NRAP: variants seen among roughly 807,000 people sequenced by gnomAD.
NRAP encodes the protein nebulin-related-anchoring protein.
In NRAP, 189 loss-of-function variants were observed where a neutral mutation model predicts 225.9. That is an observed-to-expected ratio of 0.84 (90% CI 0.74 to 0.94). The LOEUF (loss-of-function observed/expected upper bound fraction) is 0.94. Among genes scored for constraint, NRAP ranks in the 40% least tolerant of loss-of-function variants. The pLI, the probability that NRAP is intolerant of heterozygous loss-of-function variation, is 0.00. For synonymous variants in NRAP, 769 were observed against 790.7 expected, an observed-to-expected ratio of 0.97 and a Z score of 0.46; for missense variants, 2,176 against 2,168.7, an observed-to-expected ratio of 1.00 and a Z score of -0.07.
rs1848014101 is a variant in NRAP, at chr10:113,621,917, T to C, written c.2721A>G (p.Thr907=). 1.2e-6 allele frequency: 2 copies of C among 1,614,000 alleles called. No homozygotes were observed. Among genetic ancestry groups the C allele is most frequent in the Non-Finnish European group, 1.7e-6 (2 of 1,179,890 alleles). Reference sequence around the variant, plus strand: ...TCTTGGCCCATTCCACCTTCATGTCTGTGGGCAAAGCCGTAAAGTGATGTT... The same window carrying C: ...TCTTGGCCCATTCCACCTTCATGTCCGTGGGCAAAGCCGTAAAGTGATGTT... ...TAEHHFTALP[T]DMKVEWAKKA... is the part of the protein sequence containing the mutation. Residue 907 remains threonine (T), a synonymous_variant, in exon 24 of 42, where the codon ACA becomes ACG. Transcript: ENST00000359988.
At chr10:113,601,641 G>C (rs1846609350) in intron 35 of NRAP, among the ~76,000 whole-genome samples, 1 of 152,156 alleles carries the variant, frequency 6.6e-6, no homozygotes, top group Non-Finnish European at 1.5e-5. Context: ...TTTCATGGGA[G>C]GGATTCTCCA....
chr10:113,660,164 C>T (rs1037652096), intron 3 of NRAP, among the ~76,000 whole-genome samples: 3 of 151,874 alleles, frequency 2.0e-5, no homozygotes, highest in African/African-American at 2.4e-5. Context: ...CACATATATA[C>T]ATACCACATA....
chr10:113,629,080 T>C, intron 19 of NRAP, 59 bp from the exon 20 acceptor site: 1 of 1,183,692 alleles, frequency 8.4e-7, no homozygotes. Context: ...AGGACAAAGT[T>C]GATGGGAGAG....
rs1292178019 is a variant in NRAP at position 113,621,945 on chromosome 10, G to A, written c.2693C>T (p.Ala898Val). The A allele has an allele frequency of 1.5e-5, 24 of 1,614,024 alleles. No homozygotes were observed. Among genetic ancestry groups the A allele is most frequent in the African/African-American group, 6.7e-5 (5 of 74,912 alleles). The change falls in exon 24 of 42, where the codon GCG (alanine) becomes GTG (valine). Residue 898 changes from alanine (A) to valine (V), a missense_variant. Transcript: ENST00000359988. ...GGGCAAAGCCGTAAAGTGATGTTCCGCTGTCTTGTAGCCTACGTCTGTGGC... is the reference window on the plus strand; with the variant it reads ...GGGCAAAGCCGTAAAGTGATGTTCCACTGTCTTGTAGCCTACGTCTGTGGC... The part of the protein sequence containing the change: ...HLATDVGYKT[A>V]EHHFTALPTD...
intron 27 of NRAP, among the ~76,000 whole-genome samples, chr10:113,615,508 C>CT (rs1847599113): frequency 6.6e-6 from 1 of 152,196 alleles, no homozygotes; most frequent in African/African-American, 2.4e-5. Flanking sequence ...CTGGACTCTT[C>CT]TGCAGGACCA....
chr10:113,590,832 C>T lies in NRAP; in HGVS notation c.4702G>A (p.Val1568Ile). 1 of 1,614,208 alleles carries T rather than the reference C, an allele frequency of 6.2e-7. No individual in the cohort carries two copies. The highest frequency in any genetic ancestry group is 8.5e-7 in the Non-Finnish European group (1 of 1,180,046). Residue 1568 changes from valine to isoleucine, a missense_variant, in exon 40 of 42, where the codon GTC becomes ATC. Transcript: ENST00000359988. ...TGCTTCATCCTTGGGTCATCGTCGA[C>T]ACTGCGGTACCCGATCTGCAGGCCT... Reference protein sequence around the residue: ...DRGLQIGYRSVDDDPRMKHFL... With the variant: ...DRGLQIGYRSIDDDPRMKHFL...
intron 24 of NRAP, 82 bp from the exon 25 acceptor site, chr10:113,620,790 A>G: frequency 1.0e-6 from 1 of 957,358 alleles, no homozygotes; most frequent in Non-Finnish European, 1.7e-6. Context: ...GGCTCCCAAC[A>G]CAGCCTTGGT....
At chr10:113,659,178 T>C (rs1850506236) in intron 3 of NRAP, among the ~76,000 whole-genome samples, 1 of 152,188 alleles carries the variant, frequency 6.6e-6, no homozygotes, top group Admixed American at 6.5e-5. Context: ...GTGGGCTTTG[T>C]TTGTTTGTTC....
intron 37 of NRAP, 45 bp from the exon 38 acceptor site, chr10:113,595,772 T>C (rs748424841): frequency 9.7e-6 from 13 of 1,337,834 alleles, no homozygotes; most frequent in Admixed American, 3.4e-5. Context: ...CTGTGTGGGC[T>C]GAAACCACAG....
chr10:113,617,672 G>A, intron 25 of NRAP, 119 bp from the exon 26 acceptor site: 1 of 694,824 alleles, frequency 1.4e-6, no homozygotes, highest in Non-Finnish European at 2.6e-6. Context: ...TTATTATTCT[G>A]CTTCCTCCAT....
chr10:113,601,701 T>G (rs1440560292), intron 35 of NRAP, among the ~76,000 whole-genome samples: 1 of 152,222 alleles, frequency 6.6e-6, no homozygotes, highest in Non-Finnish European at 1.5e-5. Context: ...AAAATGTCCT[T>G]TCTTTTCAGA....
At position 113,612,574 on chromosome 10, in the gene NRAP, G is replaced by A. The variant is rs1847398741; in HGVS notation, c.3301-143C>T. On this transcript the variant is annotated intron_variant, in intron 29 of 41. Coordinates refer to ENST00000359988, the MANE Select transcript of NRAP (RefSeq NM_198060.4). ...AGGGCCAGTGCTCCTTTCTTGCAGAGACTGGCCTAATAACCAGGGCTTGTC... is the reference window on the plus strand; with the variant it reads ...AGGGCCAGTGCTCCTTTCTTGCAGAAACTGGCCTAATAACCAGGGCTTGTC... The A allele has an allele frequency of 2.7e-5, 18 of 658,198 alleles. No individual in the cohort carries two copies. The South Asian group carries it at 3.2e-4, about 12-fold the overall frequency. The allele number at this position is 658,198 out of a possible 1,614,324, so 40.8% of individuals were successfully genotyped here.
intron 11 of NRAP, among the ~76,000 whole-genome samples, chr10:113,644,974 A>C (rs1029073019): frequency 6.6e-6 from 1 of 152,162 alleles, no homozygotes; most frequent in Non-Finnish European, 1.5e-5. Flanking sequence ...GAAGGATATG[A>C]GGTTCTACAG....
intron 6 of NRAP, among the ~76,000 whole-genome samples, chr10:113,652,319 C>G (rs1850026610): frequency 6.6e-6 from 1 of 152,182 alleles, no homozygotes; most frequent in Non-Finnish European, 1.5e-5. Flanking sequence ...CTTTGCTACT[C>G]TTCCGGTGAA....
At position 113,640,218 on chromosome 10, in the gene NRAP, A is replaced by G. The variant is rs1221194952; in HGVS notation, c.1428+9T>C. 1.3e-6 allele frequency: 2 copies of G among 1,531,324 alleles called. No homozygotes were observed. The highest frequency in any genetic ancestry group is 1.4e-5 in the African/African-American group (1 of 72,158). 94.9% of individuals were successfully genotyped at this position (1,531,324 alleles called of 1,614,324 possible). On this transcript the variant is annotated intron_variant, in intron 14 of 41. Transcript: ENST00000359988. ...ACAAAGCAGAAAGAGCTGTTGGAAA[A>G]GAACTTACATCTTTCAAGGGCACCA...
intron 38 of NRAP, among the ~76,000 whole-genome samples, chr10:113,593,163 T>A (rs1459930276): frequency 6.6e-6 from 1 of 151,990 alleles, no homozygotes; most frequent in East Asian, 1.9e-4. Context: ...GAGAGGCGCA[T>A]CACCAACAGA....
chr10:113,663,234 T>A (rs1168518759), intron 2 of NRAP, 118 bp downstream of exon 2: 7 of 673,648 alleles, frequency 1.0e-5, no homozygotes, highest in African/African-American at 8.9e-5. Flanking sequence ...AGGGAACACT[T>A]TGGGAGAAGA....
rs1846038043 is a variant in NRAP at position 113,592,305 on chromosome 10, G to T, written c.4537-4C>A. 1 of 1,602,872 alleles carries T rather than the reference G, an allele frequency of 6.2e-7. No homozygotes were observed. The highest frequency in any genetic ancestry group is 8.5e-7 in the Non-Finnish European group (1 of 1,170,952). On this transcript the variant is annotated splice_region_variant and splice_polypyrimidine_tract_variant and intron_variant, in intron 38 of 41. Coordinates refer to ENST00000359988, the MANE Select transcript of NRAP (RefSeq NM_198060.4). ...CCCAGGAGTTTCTGTAGACTTTCTAGATTGGAAAAACAAAAGCATGAGTAA... is the reference window on the plus strand; with the variant it reads ...CCCAGGAGTTTCTGTAGACTTTCTATATTGGAAAAACAAAAGCATGAGTAA...
At chr10:113,615,984 A>G (rs1019678568) in intron 26 of NRAP, among the ~76,000 whole-genome samples, 168 bp from the exon 27 acceptor site, 1 of 152,150 alleles carries the variant, frequency 6.6e-6, no homozygotes, top group Non-Finnish European at 1.5e-5. Flanking sequence ...GGTGACACGC[A>G]TGTCATTTCC....
Sources: allele counts gnomAD v4.1 joint callset (sites outside exome capture counted in the v4.1 genomes callset), GRCh38; gene constraint gnomAD v4.1.1; transcripts MANE v1.5; gene names NCBI Gene and HGNC (gene_info 2026-07-23, HGNC 2026-07-21).